The following TTC7B variants were observed in gnomAD, a reference collection of about 807,000 sequenced individuals.
The protein encoded by TTC7B is tetratricopeptide repeat domain 7B, also known as tetratricopeptide repeat protein 7B.
Under a neutral mutation model 106.8 loss-of-function variants are expected in TTC7B, and 28 were observed. The ratio of observed to expected loss-of-function variants is 0.26; its 90% CI spans 0.19 to 0.36. TTC7B has a LOEUF of 0.36. Ranked by LOEUF, TTC7B falls within the 10% of genes least tolerant of loss-of-function variation. The probability of loss-of-function intolerance (pLI) is 1.00; values close to 1 mark genes in which losing one functional copy is unlikely to be tolerated. For missense variants in TTC7B, 862 were observed against 1,076.4 expected (o/e 0.80, Z 2.79); for synonymous variants, 405 against 430.6 (o/e 0.94, Z 0.74).
At chr14:90,610,901 G>C in intron 16 of TTC7B, 62 bp from the exon 17 acceptor site, 5 of 1,138,194 alleles carry the variant, frequency 4.4e-6, no homozygotes, top group South Asian at 1.2e-5. Context: ...GGAAAGAGAG[G>C]CAACCAATAC....
intron 9 of TTC7B, among the ~76,000 whole-genome samples, chr14:90,675,484 T>A (rs1277841598): frequency 6.6e-6 from 1 of 152,138 alleles, no homozygotes. Context: ...GTCCCGGGGC[T>A]GAGCCGCATG....
At position 90,720,567 on chromosome 14, in the gene TTC7B, G is replaced by C. The variant is rs147995362; in HGVS notation, c.698+9508C>G. 2.9e-3 allele frequency among the ~76,000 whole-genome samples: 434 copies of C among 152,214 alleles called. 1 individual carries two copies. Among genetic ancestry groups the C allele is most frequent in the Non-Finnish European group, 5.2e-3 (356 of 68,014 alleles). ...GTGTTCCTGCAGTGTGTTCATTCAC[G>C]ATACTCCCATCCAGAGCATGAGCAA... On this transcript the variant is annotated intron_variant, in intron 5 of 19. Transcript: ENST00000328459.
intron 19 of TTC7B, among the ~76,000 whole-genome samples, chr14:90,551,883 G>GA (rs1890096631): frequency 6.6e-6 from 1 of 152,264 alleles, no homozygotes; most frequent in Non-Finnish European, 1.5e-5. Flanking sequence ...ACAATGCCTT[G>GA]AAAAGGAACT....
Position 90,657,034 on chromosome 14 carries a change from G to T in TTC7B, c.1341+140C>A. On this transcript the variant is annotated intron_variant, in intron 11 of 19. Transcript: ENST00000328459. The surrounding 1 kb of genome is among the most constrained non-coding windows in gnomAD (Gnocchi z 4.2). ...GAGGAGGCCAGGGGCCCAGGCCCAG[G>T]GTCCGTGGCTCTACACAGTCTTGTC... 1.4e-6 allele frequency: 1 copy of T among 704,468 alleles called. No homozygotes were observed. Among genetic ancestry groups the T allele is most frequent in the Non-Finnish European group, 2.3e-6 (1 of 432,508 alleles). The allele number at this position is 704,468 out of a possible 1,614,324, so 43.6% of individuals were successfully genotyped here.
Position 90,695,543 on chromosome 14 carries a change from A to G in TTC7B, c.734T>C (p.Leu245Pro). 1 of 1,599,326 alleles carries G rather than the reference A, an allele frequency of 6.3e-7. No individual in the cohort carries two copies. Among genetic ancestry groups the G allele is most frequent in the Non-Finnish European group, 8.5e-7 (1 of 1,173,902 alleles). The stretch of plus-strand genomic sequence containing the variant: ...CGTTCTTGTTTCAACTGCTCTGAGA[A>G]GCTCTCTAAATCTTCCGACTCCTCT... Reference protein sequence around the residue: ...LTRGVGRFRELLRAVETRTTQ... With the variant: ...LTRGVGRFREPLRAVETRTTQ... The change falls in exon 6 of 20, where the codon CTT becomes CCT. Residue 245 changes from leucine (L) to proline (P), a missense_variant. By Grantham distance (98) the Leu-to-Pro change is moderately conservative. Coordinates refer to ENST00000328459, the MANE Select transcript of TTC7B (RefSeq NM_001010854.2).
At chr14:90,634,288 A>T (rs912943880) in intron 15 of TTC7B, among the ~76,000 whole-genome samples, 10 of 152,206 alleles carry the variant, frequency 6.6e-5, no homozygotes, top group African/African-American at 1.4e-4. Context: ...GGGTTTAAAA[A>T]ATAATTTTTC....
intron 19 of TTC7B, among the ~76,000 whole-genome samples, chr14:90,562,283 G>A (rs913177580): frequency 6.6e-6 from 1 of 152,030 alleles, no homozygotes; most frequent in Non-Finnish European, 1.5e-5. Context: ...ACCCAACCAG[G>A]CTCCTGAACC....
chr14:90,701,792 GTGTGTA>G (rs1287752351), intron 5 of TTC7B, among the ~76,000 whole-genome samples: 80 of 101,646 alleles, frequency 7.9e-4, no homozygotes, highest in African/African-American at 2.7e-3. Context: ...ATGTGTGTGT[GTGTGTA>G]TATATATATA....
intron 18 of TTC7B, among the ~76,000 whole-genome samples, chr14:90,588,819 A>C (rs963479989): frequency 6.6e-6 from 1 of 151,552 alleles, no homozygotes; most frequent in African/African-American, 2.4e-5. Flanking sequence ...ATATCATGGG[A>C]GGCACAGATG....
chr14:90,716,888 T>A (rs1469352023), intron 5 of TTC7B, among the ~76,000 whole-genome samples: 1 of 151,894 alleles, frequency 6.6e-6, no homozygotes, highest in Non-Finnish European at 1.5e-5. Flanking sequence ...AGACGCAAAT[T>A]ATGCCAGGGG....
rs1889904005 is a variant in TTC7B, at chr14:90,744,925, TA to T, written c.446-4del. The stretch of plus-strand genomic sequence containing the variant: ...AGGCAGCTTCTCCAAACAAAGTCCT[TA>T]AAAAAATATCAGACACAAAAACTGA... On this transcript the variant is annotated splice_region_variant and splice_polypyrimidine_tract_variant and intron_variant, in intron 3 of 19. Coordinates refer to ENST00000328459, the MANE Select transcript of TTC7B (RefSeq NM_001010854.2). The T allele has an allele frequency of 1.2e-6, 2 of 1,611,422 alleles. No individual in the cohort carries two copies. The highest frequency in any genetic ancestry group is 1.3e-5 in the African/African-American group (1 of 74,800).
Position 90,645,360 on chromosome 14 carries a change from C to T in TTC7B, c.1591-1152G>A, listed in dbSNP as rs116355372. On this transcript the variant is annotated intron_variant, in intron 14 of 19. Transcript: ENST00000328459. ...TCTCACAGTTGGAAGAGAGACCATT[C>T]ACCCCAATCCTTCAGTTACAGGGAG... 3.6e-3 allele frequency among the ~76,000 whole-genome samples: 550 copies of T among 152,326 alleles called. 5 individuals are homozygous for T. Among genetic ancestry groups the T allele is most frequent in the African/African-American group, 0.013 (532 of 41,560 alleles).
chr14:90,563,315 C>G lies in TTC7B; in HGVS notation c.2310+14791G>C, dbSNP rs572685511. On this transcript the variant is annotated intron_variant, in intron 19 of 19. Coordinates refer to ENST00000328459, the MANE Select transcript of TTC7B (RefSeq NM_001010854.2). ...ACTGTAATCAATCAAATGTCACAAT[C>G]GAGCAAGTCCCAGGAACTTTTTGGT... Among the ~76,000 whole-genome samples, 4 of 152,316 alleles carry G rather than the reference C, an allele frequency of 2.6e-5. No homozygotes were observed. The South Asian group carries it at 6.2e-4, about 24-fold the overall frequency.
intron 4 of TTC7B, among the ~76,000 whole-genome samples, chr14:90,740,432 A>C (rs1449093023): frequency 2.0e-5 from 3 of 152,030 alleles, no homozygotes; most frequent in Admixed American, 6.5e-5. Flanking sequence ...TCAGCACAAG[A>C]AAGGGAAAAG....
intron 18 of TTC7B, among the ~76,000 whole-genome samples, chr14:90,586,170 C>T (rs1193177160): frequency 6.6e-6 from 1 of 152,234 alleles, no homozygotes; most frequent in African/African-American, 2.4e-5. Context: ...GCATGGGCTC[C>T]TTCCTGCCCC....
chr14:90,625,605 G>A (rs1296746246), intron 15 of TTC7B, among the ~76,000 whole-genome samples: 1 of 152,182 alleles, frequency 6.6e-6, no homozygotes, highest in Non-Finnish European at 1.5e-5. Flanking sequence ...AGCCTATGAT[G>A]CTGGGATGAC....
chr14:90,606,886 A>G (rs1892660866), intron 17 of TTC7B, among the ~76,000 whole-genome samples: 1 of 152,174 alleles, frequency 6.6e-6, no homozygotes. Flanking sequence ...ACCACTTCCA[A>G]AATCATGAAT....
Position 90,657,120 on chromosome 14 carries a change from C to A in TTC7B, c.1341+54G>T. 6.9e-7 allele frequency: 1 copy of A among 1,451,376 alleles called. No homozygotes were observed. Among genetic ancestry groups the A allele is most frequent in the Non-Finnish European group, 9.6e-7 (1 of 1,045,492 alleles). The allele number at this position is 1,451,376 out of a possible 1,614,324, so 89.9% of individuals were successfully genotyped here. A position where few individuals can be genotyped will look rare whatever the true frequency, so the allele number is the denominator to read the frequency against. ...TGTGCCTCGACATGAAAAAAATGGG[C>A]AGTCCTGGCCCAGAGTCCTCTGCAG... On this transcript the variant is annotated intron_variant, in intron 11 of 19. Coordinates refer to ENST00000328459, the MANE Select transcript of TTC7B (RefSeq NM_001010854.2). This position sits in a 1 kb window ranked among gnomAD's most constrained non-coding sequence, Gnocchi z 4.2.
intron 1 of TTC7B, among the ~76,000 whole-genome samples, chr14:90,812,340 C>T (rs1277147155): frequency 6.6e-6 from 1 of 152,156 alleles, no homozygotes; most frequent in Non-Finnish European, 1.5e-5. Context: ...TGGGCCTGTC[C>T]TCCCAGAGAC....
Sources: allele counts gnomAD v4.1 joint callset (sites outside exome capture counted in the v4.1 genomes callset), GRCh38; gene constraint gnomAD v4.1.1; non-coding constraint Gnocchi (gnomAD v3.1); transcripts MANE v1.5; gene names NCBI Gene and HGNC (gene_info 2026-07-23, HGNC 2026-07-21).